Variants in TUSC3 observed in about 807,000 individuals in gnomAD.
TUSC3 encodes the protein dolichyl-diphosphooligosaccharide--protein glycosyltransferase subunit TUSC3.
TUSC3 carries 45 observed loss-of-function variants against 44.8 expected under a neutral mutation model. The ratio of observed to expected loss-of-function variants is 1.00; its 90% CI spans 0.79 to 1.29. TUSC3 has a LOEUF of 1.29. Ranked by LOEUF, TUSC3 falls within the 50% of genes most tolerant of loss-of-function variation. TUSC3 has a pLI of 0.00. For missense variants in TUSC3, 519 were observed against 437.9 expected (o/e 1.19, Z -1.65); for synonymous variants, 212 against 152.9 (o/e 1.39, Z -2.85).
At chr8:15,623,453 A>C (rs1278854099) in intron 2 of TUSC3, among the ~76,000 whole-genome samples, 1 of 152,146 alleles carries the variant, frequency 6.6e-6, no homozygotes, top group African/African-American at 2.4e-5. Context: ...TAAAATATTC[A>C]TTGACCAGTT....
intron 10 of TUSC3, among the ~76,000 whole-genome samples, chr8:15,758,518 T>C (rs983719391): frequency 1.3e-5 from 2 of 152,076 alleles, no homozygotes; most frequent in Admixed American, 6.6e-5. Flanking sequence ...ACACAGGGTC[T>C]AGGCTAACAC....
chr8:15,423,994 T>TG (rs1413516020), intron 1 of TUSC3, among the ~76,000 whole-genome samples: 2 of 135,232 alleles, frequency 1.5e-5, no homozygotes, highest in South Asian at 2.5e-4. Context: ...TTTTTTTTTT[T>TG]TTTTTTTTTT....
chr8:15,851,495 A>C, the TUSC3 span, among the ~76,000 whole-genome samples: 1 of 152,198 alleles, frequency 6.6e-6, no homozygotes, highest in Non-Finnish European at 1.5e-5. Context: ...GAAAACTGCA[A>C]GGTGTGAACT....
At chr8:15,516,833 T>A (rs1022866656) in intron 2 of TUSC3, among the ~76,000 whole-genome samples, 12 of 152,212 alleles carry the variant, frequency 7.9e-5, no homozygotes, top group African/African-American at 2.7e-4. Flanking sequence ...AAAGATTATA[T>A]TTCCAAATGA....
intron 3 of TUSC3, 111 bp from the exon 4 acceptor site, chr8:15,659,396 G>A (rs1807319904): frequency 1.5e-6 from 2 of 1,372,918 alleles, no homozygotes; most frequent in African/African-American, 2.9e-5. Context: ...AAAACCACTT[G>A]GATTTTCATA....
At chr8:15,533,432 G>A (rs1207247952) in intron 2 of TUSC3, among the ~76,000 whole-genome samples, 1 of 152,168 alleles carries the variant, frequency 6.6e-6, no homozygotes, top group Non-Finnish European at 1.5e-5. Context: ...TTTGAGTTCT[G>A]TCCTTTGTCT....
At chr8:15,793,991 C>T in the TUSC3 span, among the ~76,000 whole-genome samples, 3 of 152,100 alleles carry the variant, frequency 2.0e-5, no homozygotes, top group South Asian at 4.1e-4. Context: ...ATTCTGCCTC[C>T]TAAAGAAGAA....
intron 2 of TUSC3, among the ~76,000 whole-genome samples, chr8:15,496,721 A>G (rs1057326560): frequency 2.0e-5 from 3 of 152,108 alleles, no homozygotes; most frequent in African/African-American, 7.2e-5. Flanking sequence ...CTCTAAGCAA[A>G]GGAGTGTGGG....
the TUSC3 span, among the ~76,000 whole-genome samples, chr8:15,802,335 G>T: frequency 6.6e-6 from 1 of 152,136 alleles, no homozygotes; most frequent in Non-Finnish European, 1.5e-5. Flanking sequence ...CTTGTGCATG[G>T]TGCTTAAGTA....
chr8:15,806,780 T>G, the TUSC3 span: 1 of 809,304 alleles, frequency 1.2e-6, no homozygotes, highest in Non-Finnish European at 2.1e-6. Flanking sequence ...CTGAATTCAT[T>G]CTTTTTCTAG....
intron 9 of TUSC3, among the ~76,000 whole-genome samples, chr8:15,750,241 A>T (rs1811637219): frequency 6.6e-6 from 1 of 152,048 alleles, no homozygotes; most frequent in Non-Finnish European, 1.5e-5. Context: ...GGCCTCCCAA[A>T]GTGCTGGGAT....
intron 2 of TUSC3, among the ~76,000 whole-genome samples, chr8:15,518,853 A>C (rs7002836): frequency 6.6e-6 from 1 of 152,156 alleles, no homozygotes; most frequent in Non-Finnish European, 1.5e-5. Flanking sequence ...ATATGAAAAT[A>C]TAATCCCATT....
intron 2 of TUSC3, among the ~76,000 whole-genome samples, chr8:15,519,084 T>A (rs1401562350): frequency 6.6e-6 from 1 of 152,216 alleles, no homozygotes; most frequent in African/African-American, 2.4e-5. Context: ...TTGATTTGGC[T>A]TCTTGCTCAC....
the TUSC3 span, among the ~76,000 whole-genome samples, chr8:15,775,413 T>C: frequency 6.6e-6 from 1 of 152,222 alleles, no homozygotes; most frequent in South Asian, 2.1e-4. Context: ...TACTTCATGC[T>C]ACTCAATTAT....
chr8:15,598,201 C>T (rs1804146678), intron 1 of TUSC3, among the ~76,000 whole-genome samples: 1 of 151,928 alleles, frequency 6.6e-6, no homozygotes, highest in African/African-American at 2.4e-5. Flanking sequence ...TCCTTGCACT[C>T]CATCCAAATG....
At chr8:15,617,528 T>A (rs1225827010) in intron 1 of TUSC3, among the ~76,000 whole-genome samples, 1 of 152,132 alleles carries the variant, frequency 6.6e-6, no homozygotes, top group Non-Finnish European at 1.5e-5. Context: ...CCCCCTTTCC[T>A]TATTTGTGAG....
At chr8:15,839,384 C>G in the TUSC3 span, among the ~76,000 whole-genome samples, 1 of 152,080 alleles carries the variant, frequency 6.6e-6, no homozygotes, top group Non-Finnish European at 1.5e-5. Context: ...GGCCAGAACT[C>G]CAACACTATG....
At chr8:15,743,137 A>G (rs1410337183) in intron 7 of TUSC3, among the ~76,000 whole-genome samples, 1 of 152,248 alleles carries the variant, frequency 6.6e-6, no homozygotes, top group Non-Finnish European at 1.5e-5. Flanking sequence ...AAATGCTTTT[A>G]GAAGAAAAAG....
At chr8:15,823,188 T>C in the TUSC3 span, among the ~76,000 whole-genome samples, 3 of 152,218 alleles carry the variant, frequency 2.0e-5, no homozygotes, top group African/African-American at 7.2e-5. Flanking sequence ...TCCTGTTTAA[T>C]GCTAGCTCTG....
Sources: gnomAD v4.1 joint callset for allele counts (sites outside exome capture counted in the v4.1 genomes callset) on GRCh38, gnomAD v4.1.1 for gene constraint, MANE v1.5 for transcripts, NCBI Gene and HGNC (gene_info 2026-07-23, HGNC 2026-07-21) for gene names.